Variants in ZNF605 observed in about 807,000 individuals in gnomAD.
The protein encoded by ZNF605 is zinc finger protein 605.
A neutral mutation model predicts 7.9 loss-of-function variants in ZNF605; 9 were observed. The observed-to-expected ratio is 1.14, with a 90% CI of 0.68 to 1.98. The LOEUF is 1.98. ZNF605 is among the 30% of genes most tolerant of loss of function. ZNF605 has a pLI of 0.00. For missense variants in ZNF605, 673 were observed against 762.4 expected (o/e 0.88, Z 1.38); for synonymous variants, 255 against 260.1 (o/e 0.98, Z 0.19).
intron 1 of ZNF605, among the ~76,000 whole-genome samples, chr12:132,955,751 C>T (rs1297533908): frequency 1.3e-5 from 2 of 152,040 alleles, no homozygotes; most frequent in Non-Finnish European, 2.9e-5. Flanking sequence ...CCGCTGGCCT[C>T]CAATGCTCAC....
At chr12:132,930,456 G>A (rs994361327) in intron 4 of ZNF605, among the ~76,000 whole-genome samples, 45 of 152,274 alleles carry the variant, frequency 3.0e-4, no homozygotes, top group South Asian at 6.2e-4. Flanking sequence ...AACTGTATGA[G>A]TGTAGGGAAC....
intron 4 of ZNF605, among the ~76,000 whole-genome samples, chr12:132,930,331 G>A (rs1345070788): frequency 1.3e-5 from 2 of 152,284 alleles, no homozygotes; most frequent in East Asian, 1.9e-4. Context: ...ACCATGTCAC[G>A]CCCACCAAAA....
At chr12:132,939,382 T>C (rs1952407810) in intron 3 of ZNF605, among the ~76,000 whole-genome samples, 1 of 151,782 alleles carries the variant, frequency 6.6e-6, no homozygotes. Flanking sequence ...TCAAGGATTG[T>C]AAATACACCA....
At chr12:132,935,298 AT>A (rs1420974357) in intron 3 of ZNF605, among the ~76,000 whole-genome samples, 2 of 152,196 alleles carry the variant, frequency 1.3e-5, no homozygotes. Flanking sequence ...TGAAAAAAAA[AT>A]CAAAGAAAAT....
intron 3 of ZNF605, among the ~76,000 whole-genome samples, chr12:132,939,185 C>T (rs1444251414): frequency 9.2e-5 from 14 of 152,256 alleles, no homozygotes; most frequent in African/African-American, 2.4e-4. Flanking sequence ...AGCCCCGGTG[C>T]GGGATCCACT....
At chr12:132,945,388 C>T in intron 3 of ZNF605, 2 of 1,479,558 alleles carry the variant, frequency 1.4e-6, no homozygotes, top group Admixed American at 1.7e-5. Context: ...TTCTGTAAGC[C>T]TCATAACACC....
Position 132,919,924 on chromosome 12 carries a change from A to G in ZNF605, c.*5449T>C, listed in dbSNP as rs552440066. On this transcript the variant is annotated 3_prime_UTR_variant, in exon 5 of 5. Transcript: ENST00000360187. ...TGGTGTGATCTCAGCTCACTGCAACATCGGCTTCCTGGGTTCAAGCGATTC... is the reference window on the plus strand; with the variant it reads ...TGGTGTGATCTCAGCTCACTGCAACGTCGGCTTCCTGGGTTCAAGCGATTC... 11 of 140,642 alleles carry G rather than the reference A, an allele frequency of 7.8e-5. No homozygotes were observed. The highest frequency in any genetic ancestry group is 4.6e-4 in the South Asian group (2 of 4,350). 8.7% of individuals were successfully genotyped at this position (140,642 alleles called of 1,614,324 possible). A position where few individuals can be genotyped will look rare whatever the true frequency, so the allele number is the denominator to read the frequency against.
intron 1 of ZNF605, among the ~76,000 whole-genome samples, chr12:132,954,613 A>C (rs1202066066): frequency 2.6e-5 from 4 of 151,132 alleles, no homozygotes; most frequent in Non-Finnish European, 4.4e-5. Context: ...ATTAGACCCC[A>C]GTCACTCAAT....
intron 1 of ZNF605, among the ~76,000 whole-genome samples, chr12:132,953,487 C>T (rs961639753): frequency 4.6e-5 from 7 of 152,196 alleles, no homozygotes; most frequent in Non-Finnish European, 1.0e-4. Flanking sequence ...AGTGCAGTGG[C>T]AAAATCTCGG....
rs1952203403 is a variant in ZNF605 at position 132,921,279 on chromosome 12, A to C, written c.*4094T>G. On this transcript the variant is annotated 3_prime_UTR_variant, in exon 5 of 5. Transcript: ENST00000360187. ...AGACACCACCCCCAGTTGAAAAGTT[A>C]CTTTGGATATAACTGATTTGAATTT... The C allele has an allele frequency of 6.6e-6, 1 of 152,172 alleles. No homozygotes were observed. The highest frequency in any genetic ancestry group is 2.4e-5 in the African/African-American group (1 of 41,446). 9.4% of individuals were successfully genotyped at this position (152,172 alleles called of 1,614,324 possible). A position where few individuals can be genotyped will look rare whatever the true frequency, so the allele number is the denominator to read the frequency against.
chr12:132,947,867 T>G (rs1952510454), intron 2 of ZNF605, among the ~76,000 whole-genome samples: 1 of 151,950 alleles, frequency 6.6e-6, no homozygotes, highest in Non-Finnish European at 1.5e-5. Context: ...CCTCCAAACT[T>G]TTGGAGCCCT....
Position 132,926,688 on chromosome 12 carries a change from T to C in ZNF605, c.611A>G (p.Lys204Arg), listed in dbSNP as rs1237524151. ...EKPYQCSECG[K>R]AFSQKSLLTV... is the part of the protein sequence containing the mutation. ...GAGCAGTGACTTCTGTGAAAAGGCT[T>C]TTCCACACTCACTGCATTGATAGGG... The change falls in exon 5 of 5, where the codon AAA (lysine) becomes AGA (arginine). Residue 204 changes from lysine (K) to arginine (R), a missense_variant. By Grantham distance (26) the Lys-to-Arg change is conservative. Transcript: ENST00000360187. 1 of 1,614,062 alleles carries C rather than the reference T, an allele frequency of 6.2e-7. No individual in the cohort carries two copies. Among genetic ancestry groups the C allele is most frequent in the Non-Finnish European group, 8.5e-7 (1 of 1,180,040 alleles).
Position 132,927,102 on chromosome 12 carries a change from A to C in ZNF605, c.197T>G (p.Met66Arg). 6.3e-7 allele frequency: 1 copy of C among 1,596,426 alleles called. No individual in the cohort carries two copies. The stretch of plus-strand genomic sequence containing the variant: ...AACATCATATTTATGGCCTCTCTCC[A>C]TACTTTTAAGGTTGTCTTGATTATC... ...LRDNQDNLKS[M>R]ERGHKYDVFG... Residue 66 changes from methionine to arginine, a missense_variant, in exon 5 of 5, where the codon ATG becomes AGG. Met to Arg is a moderately conservative substitution (Grantham distance 91). Coordinates refer to ENST00000360187, the MANE Select transcript of ZNF605 (RefSeq NM_183238.4).
chr12:132,940,605 G>T (rs796639238), intron 3 of ZNF605, among the ~76,000 whole-genome samples: 2 of 152,138 alleles, frequency 1.3e-5, no homozygotes, highest in Admixed American at 1.3e-4. Flanking sequence ...AGTTAGGGCC[G>T]TTACAGAGCA....
chr12:132,943,911 T>C (rs890979102), intron 3 of ZNF605, among the ~76,000 whole-genome samples: 1 of 152,162 alleles, frequency 6.6e-6, no homozygotes, highest in Non-Finnish European at 1.5e-5. Flanking sequence ...CTCTAGATGT[T>C]TACGGTTAAG....
intron 3 of ZNF605, among the ~76,000 whole-genome samples, chr12:132,934,354 G>A (rs911540246): frequency 6.6e-6 from 1 of 152,110 alleles, no homozygotes; most frequent in African/African-American, 2.4e-5. Flanking sequence ...CTGCTCCCAA[G>A]TAAGAACTGG....
In ZNF605 at chr12:132,926,676, T is replaced by C. The variant is rs1187897893; in HGVS notation, c.623A>G (p.Gln208Arg). 1 of 1,613,934 alleles carries C rather than the reference T, an allele frequency of 6.2e-7. No homozygotes were observed. The highest frequency in any genetic ancestry group is 8.5e-7 in the Non-Finnish European group (1 of 1,180,006). Residue 208 changes from glutamine to arginine, a missense_variant, in exon 5 of 5, where the codon CAG becomes CGG. Gln to Arg is a conservative substitution (Grantham distance 43). Transcript: ENST00000360187. Reference protein sequence around the residue: ...QCSECGKAFSQKSLLTVHQRT... With the variant: ...QCSECGKAFSRKSLLTVHQRT... ...TTGATGAACCGTGAGCAGTGACTTC[T>C]GTGAAAAGGCTTTTCCACACTCACT...
intron 3 of ZNF605, among the ~76,000 whole-genome samples, chr12:132,942,573 G>A (rs1952453917): frequency 6.6e-6 from 1 of 152,244 alleles, no homozygotes; most frequent in Non-Finnish European, 1.5e-5. Context: ...ACGATGGGAA[G>A]CCACCTTGGA....
chr12:132,939,367 C>G (rs1952407537), intron 3 of ZNF605, among the ~76,000 whole-genome samples: 1 of 151,816 alleles, frequency 6.6e-6, no homozygotes, highest in South Asian at 2.1e-4. Context: ...ACCTTTATGT[C>G]TAGCTCAAGG....
Sources: allele counts gnomAD v4.1 joint callset (sites outside exome capture counted in the v4.1 genomes callset), GRCh38; gene constraint gnomAD v4.1.1; transcripts MANE v1.5; gene names NCBI Gene and HGNC (gene_info 2026-07-23, HGNC 2026-07-21).